Variants in ADGRL2 observed in about 807,000 individuals in gnomAD.
The protein encoded by ADGRL2 is calcium-independent alpha-latrotoxin receptor 2.
ADGRL2 carries 44 observed loss-of-function variants against 157.4 expected under a neutral mutation model. The ratio of observed to expected loss-of-function variants is 0.28; its 90% CI spans 0.22 to 0.36. The LOEUF (loss-of-function observed/expected upper bound fraction) is 0.36. Among genes scored for constraint, ADGRL2 ranks in the 10% least tolerant of loss-of-function variants. ADGRL2 has a pLI of 1.00. For synonymous variants in ADGRL2, 585 were observed against 624.7 expected (o/e 0.94, Z 0.95); for missense variants, 1,510 against 1,768.9 (o/e 0.85, Z 2.63).
In ADGRL2 at chr1:81,648,939, G is replaced by A. The variant is rs547063809; in HGVS notation, c.-143+67959G>A. 3.3e-5 allele frequency among the ~76,000 whole-genome samples: 5 copies of A among 152,258 alleles called. No homozygotes were observed. In the South Asian group the frequency reaches 8.3e-4, roughly 25 times the overall value. On this transcript the variant is annotated intron_variant, in intron 3 of 24. Transcript: ENST00000370721. Reference sequence around the variant, plus strand: ...CAGAGTCCTTTGGACACTTGGAACCGGAGAATGCTGTGCAGTATCACAGGG... The same window carrying A: ...CAGAGTCCTTTGGACACTTGGAACCAGAGAATGCTGTGCAGTATCACAGGG...
intron 3 of ADGRL2, among the ~76,000 whole-genome samples, chr1:81,621,299 A>G (rs1392465476): frequency 1.3e-5 from 2 of 152,182 alleles, no homozygotes; most frequent in African/African-American, 4.8e-5. Context: ...CATGGTCTCC[A>G]TGCCCCAGTG....
intron 23 of ADGRL2, chr1:81,989,765 G>T (rs1187502279): frequency 8.2e-6 from 13 of 1,594,378 alleles, no homozygotes; most frequent in Non-Finnish European, 1.1e-5. Context: ...GTGGGCCCCT[G>T]GTCCAGTCAG....
At chr1:81,631,575 G>A (rs11576873) in intron 3 of ADGRL2, among the ~76,000 whole-genome samples, 1,722 of 152,200 alleles carry the variant, frequency 0.011, 19 homozygotes, top group African/African-American at 0.021. Flanking sequence ...TTGGAATTAC[G>A]CACCGATATC....
At position 81,754,656 on chromosome 1, in the gene ADGRL2, TCCTC is replaced by T. The variant is rs910455780; in HGVS notation, c.-142-7147_-142-7144del. 1.1e-4 allele frequency among the ~76,000 whole-genome samples: 16 copies of T among 147,204 alleles called. No individual in the cohort carries two copies. The South Asian group carries it at 3.6e-3, about 33-fold the overall frequency. ...CTTCTTTTCCTTTCCTTTCCTTCCT[TCCTC>T]CCTCCCTTCCTCCTTTCCTCCCTTC... On this transcript the variant is annotated intron_variant, in intron 1 of 20. Transcript: ENST00000359929.
At chr1:81,747,453 G>A (rs534855712) in intron 1 of ADGRL2, among the ~76,000 whole-genome samples, 9 of 151,286 alleles carry the variant, frequency 5.9e-5, no homozygotes, top group East Asian at 5.9e-4. Flanking sequence ...GGCGCATGCC[G>A]CCATGCTCAG....
At chr1:81,332,515 A>G (rs1170575757) in intron 1 of ADGRL2, among the ~76,000 whole-genome samples, 2 of 152,172 alleles carry the variant, frequency 1.3e-5, no homozygotes, top group East Asian at 3.8e-4. Flanking sequence ...CTATGTTCCA[A>G]GAGCTTTGGA....
chr1:81,356,269 C>CT (rs1246106166), intron 1 of ADGRL2, among the ~76,000 whole-genome samples: 15 of 152,194 alleles, frequency 9.9e-5, no homozygotes, highest in African/African-American at 2.9e-4. Flanking sequence ...TAAAATTTCA[C>CT]TGAGGCTTAG....
intron 1 of ADGRL2, among the ~76,000 whole-genome samples, chr1:81,746,952 A>G (rs2085278135): frequency 2.7e-5 from 4 of 147,186 alleles, no homozygotes; most frequent in Admixed American, 2.7e-4. Context: ...ACATGTATGT[A>G]TATACGTATA....
chr1:81,527,725 G>T (rs929026902), intron 2 of ADGRL2, among the ~76,000 whole-genome samples: 4 of 150,604 alleles, frequency 2.7e-5, no homozygotes, highest in Non-Finnish European at 5.9e-5. Flanking sequence ...AAAAAAAAGT[G>T]ATCGGAGGGA....
At chr1:81,761,545 G>A (rs1298895260) in intron 1 of ADGRL2, among the ~76,000 whole-genome samples, 1 of 151,908 alleles carries the variant, frequency 6.6e-6, no homozygotes, top group African/African-American at 2.4e-5. Flanking sequence ...TATTGACAAT[G>A]TTCTCCTAAT....
intron 3 of ADGRL2, among the ~76,000 whole-genome samples, chr1:81,636,995 C>G (rs571471134): frequency 6.6e-6 from 1 of 152,134 alleles, no homozygotes; most frequent in African/African-American, 2.4e-5. Context: ...GCCACCACAT[C>G]TGGCTAATTT....
chr1:81,508,996 T>C (rs1007953528), intron 2 of ADGRL2, among the ~76,000 whole-genome samples: 3 of 152,220 alleles, frequency 2.0e-5, no homozygotes, highest in Non-Finnish European at 2.9e-5. Flanking sequence ...TGTCTTTTAA[T>C]GTATGCAGTA....
At chr1:81,646,719 T>C (rs2082322176) in intron 3 of ADGRL2, among the ~76,000 whole-genome samples, 1 of 152,206 alleles carries the variant, frequency 6.6e-6, no homozygotes, top group African/African-American at 2.4e-5. Flanking sequence ...ATAGAGGTCT[T>C]CCTATTTTTT....
chr1:81,882,164 A>G (rs2094004622), intron 2 of ADGRL2, among the ~76,000 whole-genome samples: 1 of 152,198 alleles, frequency 6.6e-6, no homozygotes, highest in African/African-American at 2.4e-5. Context: ...AAAGTTGGTT[A>G]AACATTAAAA....
chr1:81,710,660 G>A (rs1570917574), intron 1 of ADGRL2, among the ~76,000 whole-genome samples: 2 of 145,876 alleles, frequency 1.4e-5, no homozygotes, highest in African/African-American at 5.1e-5. Flanking sequence ...TTTATTTTTT[G>A]TGAGTTACAT....
intron 1 of ADGRL2, among the ~76,000 whole-genome samples, chr1:81,313,021 G>A (rs1659861269): frequency 6.6e-6 from 1 of 152,096 alleles, no homozygotes; most frequent in Admixed American, 6.5e-5. Flanking sequence ...CAGCTTTATA[G>A]TAAAGAAATA....
chr1:81,394,405 C>T (rs1022445207), intron 1 of ADGRL2, among the ~76,000 whole-genome samples: 11 of 152,116 alleles, frequency 7.2e-5, no homozygotes, highest in Admixed American at 5.2e-4. Context: ...ACTATTCTAT[C>T]TTTACTTCCG....
chr1:81,777,131 C>T (rs2086618839), intron 2 of ADGRL2, among the ~76,000 whole-genome samples: 1 of 152,176 alleles, frequency 6.6e-6, no homozygotes, highest in Non-Finnish European at 1.5e-5. Context: ...GTTCTATATT[C>T]TTCCCATCTA....
At chr1:81,957,700 C>A (rs1345658933) in intron 11 of ADGRL2, among the ~76,000 whole-genome samples, 1 of 151,594 alleles carries the variant, frequency 6.6e-6, no homozygotes, top group Non-Finnish European at 1.5e-5. Context: ...TAGAGTGAGA[C>A]CCCATCTCAA....
Sources: gnomAD v4.1 joint callset for allele counts (sites outside exome capture counted in the v4.1 genomes callset) on GRCh38, gnomAD v4.1.1 for gene constraint, MANE v1.5 for transcripts, NCBI Gene and HGNC (gene_info 2026-07-23, HGNC 2026-07-21) for gene names.